MAP3K20: variants seen among roughly 807,000 people sequenced by gnomAD.
The protein encoded by MAP3K20 is HCCS-4.
A neutral mutation model predicts 85.7 loss-of-function variants in MAP3K20; 40 were observed. That is an observed-to-expected ratio of 0.47 (90% CI 0.36 to 0.61). MAP3K20 has a LOEUF of 0.61. MAP3K20 is among the 20% of genes least tolerant of loss of function. The probability of loss-of-function intolerance (pLI) is 0.00; values close to 1 mark genes in which losing one functional copy is unlikely to be tolerated. For synonymous variants in MAP3K20, 325 were observed against 327.7 expected (o/e 0.99, Z 0.09); for missense variants, 817 against 961.7 (o/e 0.85, Z 1.99).
intron 5 of MAP3K20, among the ~76,000 whole-genome samples, chr2:173,187,970 G>GTA (rs763031047): frequency 2.6e-5 from 4 of 152,288 alleles, no homozygotes; most frequent in Non-Finnish European, 5.9e-5. Flanking sequence ...CTGTGTCAAA[G>GTA]TATGCAGTCA....
At chr2:173,177,815 G>C (rs928308428) in intron 3 of MAP3K20, among the ~76,000 whole-genome samples, 2 of 152,100 alleles carry the variant, frequency 1.3e-5, no homozygotes, top group Admixed American at 1.3e-4. Context: ...TAAAATTATA[G>C]AATGCAGATA....
At chr2:173,180,873 T>C (rs1404745232) in intron 3 of MAP3K20, among the ~76,000 whole-genome samples, 2 of 152,196 alleles carry the variant, frequency 1.3e-5, no homozygotes, top group African/African-American at 4.8e-5. Context: ...ACAGCCATAA[T>C]AGAAAAATTG....
intron 2 of MAP3K20, among the ~76,000 whole-genome samples, chr2:173,148,577 A>G (rs1274509398): frequency 1.3e-5 from 2 of 152,172 alleles, no homozygotes; most frequent in African/African-American, 4.8e-5. Flanking sequence ...ACAGCAGGAA[A>G]GACAAGAAAG....
At chr2:173,222,373 T>A in intron 11 of MAP3K20, 1 of 985,906 alleles carries the variant, frequency 1.0e-6, no homozygotes, top group Non-Finnish European at 1.2e-6. Flanking sequence ...TTCTCAGTAA[T>A]GTATTTGAAG....
intron 16 of MAP3K20, among the ~76,000 whole-genome samples, chr2:173,247,371 G>C (rs1684941034): frequency 6.6e-6 from 1 of 151,712 alleles, no homozygotes; most frequent in African/African-American, 2.4e-5. Context: ...CTTTATAAAT[G>C]GATAGATAAA....
chr2:173,174,151 A>G (rs560146920), intron 3 of MAP3K20, among the ~76,000 whole-genome samples: 1 of 152,324 alleles, frequency 6.6e-6, no homozygotes, highest in Admixed American at 6.5e-5. Flanking sequence ...AATAAAGGTA[A>G]TAATATTGCC....
At position 173,147,778 on chromosome 2, in the gene MAP3K20, G is replaced by T. The variant is rs553893516; in HGVS notation, c.160-22027G>T. 2.0e-4 allele frequency among the ~76,000 whole-genome samples: 30 copies of T among 152,084 alleles called. No homozygotes were observed. The South Asian group carries it at 5.8e-3, about 29-fold the overall frequency. On this transcript the variant is annotated intron_variant, in intron 2 of 19. Coordinates refer to ENST00000375213, the MANE Select transcript of MAP3K20 (RefSeq NM_016653.3). ...ATTTTTGTATTTTTAGTAGAGACAG[G>T]GTTTCACCATGTTGGCCAGGATGGT...
At chr2:173,154,510 C>T (rs1273874709) in intron 2 of MAP3K20, among the ~76,000 whole-genome samples, 1 of 152,160 alleles carries the variant, frequency 6.6e-6, no homozygotes, top group East Asian at 1.9e-4. Context: ...GTCTAGTTGA[C>T]ACTGTCCATT....
chr2:173,157,692 TAGAG>T (rs1689519032), intron 2 of MAP3K20, among the ~76,000 whole-genome samples: 1 of 152,218 alleles, frequency 6.6e-6, no homozygotes. Context: ...AATTTTTGCA[TAGAG>T]AGAGTGCCTC....
chr2:173,139,857 A>G (rs1688915533), intron 2 of MAP3K20, among the ~76,000 whole-genome samples: 1 of 152,148 alleles, frequency 6.6e-6, no homozygotes, highest in African/African-American at 2.4e-5. Flanking sequence ...TGCTATACTT[A>G]CACCCACATA....
chr2:173,100,156 A>C (rs1687596830), intron 2 of MAP3K20, among the ~76,000 whole-genome samples: 1 of 152,212 alleles, frequency 6.6e-6, no homozygotes, highest in Non-Finnish European at 1.5e-5. Context: ...GGTGCATTTG[A>C]TGTCCTGTTG....
chr2:173,258,251 G>A (rs1180859245), intron 16 of MAP3K20, among the ~76,000 whole-genome samples: 1 of 152,028 alleles, frequency 6.6e-6, no homozygotes, highest in East Asian at 1.9e-4. Context: ...TATCAATCTA[G>A]GAAAATTAAA....
intron 2 of MAP3K20, among the ~76,000 whole-genome samples, chr2:173,163,757 C>A (rs1434593719): frequency 2.6e-5 from 4 of 152,060 alleles, no homozygotes; most frequent in African/African-American, 9.7e-5. Flanking sequence ...TTGGGTTTCC[C>A]CCATTATATT....
chr2:173,129,310 T>G (rs935286366), intron 2 of MAP3K20, among the ~76,000 whole-genome samples: 3 of 152,200 alleles, frequency 2.0e-5, no homozygotes, highest in Non-Finnish European at 2.9e-5. Context: ...TTTACTATGC[T>G]AAGCTCTTGC....
chr2:173,142,058 G>A lies in MAP3K20; in HGVS notation c.160-27747G>A, dbSNP rs180801705. Among the ~76,000 whole-genome samples the A allele has an allele frequency of 2.8e-4, 42 of 152,272 alleles. No homozygotes were observed. In the East Asian group the frequency reaches 8.1e-3, roughly 29 times the overall value. On this transcript the variant is annotated intron_variant, in intron 2 of 19. Coordinates refer to ENST00000375213, the MANE Select transcript of MAP3K20 (RefSeq NM_016653.3). ...TTTATTGCCAGCAGATTTAGTTATG[G>A]TTAATATTAGGGTAAATACAAATGA...
intron 19 of MAP3K20, 64 bp downstream of exon 19, chr2:173,263,959 G>A (rs949541359): frequency 1.3e-6 from 2 of 1,548,970 alleles, no homozygotes; most frequent in Non-Finnish European, 1.7e-6. Context: ...GACATTTCCA[G>A]ATGATCTAAA....
intron 8 of MAP3K20, among the ~76,000 whole-genome samples, chr2:173,202,599 T>TGTAA (rs1303940637): frequency 7.2e-5 from 11 of 152,162 alleles, no homozygotes; most frequent in African/African-American, 2.7e-4. Flanking sequence ...CACATTATAT[T>TGTAA]GTAAGTTAAC....
At chr2:173,151,047 A>G (rs1157879655) in intron 2 of MAP3K20, among the ~76,000 whole-genome samples, 1 of 152,184 alleles carries the variant, frequency 6.6e-6, no homozygotes, top group East Asian at 1.9e-4. Flanking sequence ...CAGCTCATAC[A>G]TGATAGAGCT....
intron 9 of MAP3K20, among the ~76,000 whole-genome samples, chr2:173,206,927 TTTC>T (rs929891781): frequency 1.1e-4 from 7 of 63,870 alleles, no homozygotes; most frequent in Non-Finnish European, 3.0e-4. Context: ...AATAAAGTAC[TTTC>T]TTTTTTTTTT....
Sources: gnomAD v4.1 joint callset for allele counts (sites outside exome capture counted in the v4.1 genomes callset) on GRCh38, gnomAD v4.1.1 for gene constraint, MANE v1.5 for transcripts, NCBI Gene and HGNC (gene_info 2026-07-23, HGNC 2026-07-21) for gene names.